The following TPO variants were observed in gnomAD, a reference collection of about 807,000 sequenced individuals.
The protein encoded by TPO is thyroid microsomal antigen.
Under a neutral mutation model 96.9 loss-of-function variants are expected in TPO, and 78 were observed. The ratio of observed to expected loss-of-function variants is 0.81; its 90% CI spans 0.67 to 0.97. The LOEUF is 0.97. Among genes scored for constraint, TPO ranks in the 50% least tolerant of loss-of-function variants. TPO has a pLI of 0.00. For missense variants in TPO, 1,252 were observed against 1,274.8 expected (o/e 0.98, Z 0.27); for synonymous variants, 547 against 538.0 (o/e 1.02, Z -0.23).
intron 5 of TPO, among the ~76,000 whole-genome samples, chr2:1,453,458 G>A (rs1444270233): frequency 6.6e-6 from 1 of 152,110 alleles, no homozygotes; most frequent in Non-Finnish European, 1.5e-5. Context: ...CAGACAGCAT[G>A]TGCTGAGCTC....
At chr2:1,529,657 T>TCGC (rs1677557118) in intron 15 of TPO, among the ~76,000 whole-genome samples, 1 of 19,700 alleles carries the variant, frequency 5.1e-5, no homozygotes, top group Non-Finnish European at 9.7e-5. Flanking sequence ...GTGTGCAACC[T>TCGC]CCTATCACCC....
At chr2:1,515,771 G>C (rs1195379009) in intron 14 of TPO, among the ~76,000 whole-genome samples, 1 of 152,036 alleles carries the variant, frequency 6.6e-6, no homozygotes, top group African/African-American at 2.4e-5. Context: ...GTGAGAAATA[G>C]AACCAAACCA....
At chr2:1,377,277 A>C (rs1415942624) in intron 1 of TPO, among the ~76,000 whole-genome samples, 1 of 152,208 alleles carries the variant, frequency 6.6e-6, no homozygotes, top group South Asian at 2.1e-4. Context: ...AGTCGTATGC[A>C]TTGGAATACG....
intron 5 of TPO, among the ~76,000 whole-genome samples, chr2:1,446,540 C>T (rs1666843811): frequency 6.6e-6 from 1 of 152,018 alleles, no homozygotes; most frequent in Non-Finnish European, 1.5e-5. Flanking sequence ...TCACATTTTC[C>T]TGGTGACTAA....
In TPO at chr2:1,542,672, A is replaced by ACATTGCCTGATTTGTT. The variant is rs1212794941; in HGVS notation, c.*200_*215dup. The stretch of plus-strand genomic sequence containing the variant: ...GCATTTGTCTGGCCTTTTCTTGTAA[A>ACATTGCCTGATTTGTT]CATTGCCTGATTTGTTCCTTCTGGG... On this transcript the variant is annotated 3_prime_UTR_variant, in exon 17 of 17. Coordinates refer to ENST00000329066, the MANE Select transcript of TPO (RefSeq NM_001206744.2). 1 of 1,487,808 alleles carries ACATTGCCTGATTTGTT rather than the reference A, an allele frequency of 6.7e-7. No individual in the cohort carries two copies. The highest frequency in any genetic ancestry group is 1.4e-5 in the African/African-American group (1 of 71,978). 92.2% of individuals were successfully genotyped at this position (1,487,808 alleles called of 1,614,324 possible).
intron 7 of TPO, among the ~76,000 whole-genome samples, chr2:1,461,894 G>A (rs192206268): frequency 1.1e-4 from 17 of 152,296 alleles, no homozygotes; most frequent in South Asian, 8.3e-4. Context: ...ATACTGTGAT[G>A]CCCGTGGAGA....
chr2:1,487,598 A>G (rs28911482), intron 9 of TPO, among the ~76,000 whole-genome samples: 5 of 152,112 alleles, frequency 3.3e-5, no homozygotes, highest in Non-Finnish European at 7.4e-5. Flanking sequence ...TTAGCCAAGC[A>G]TGGTAGCGGG....
At chr2:1,441,594 C>A (rs560773619) in intron 5 of TPO, among the ~76,000 whole-genome samples, 1 of 152,292 alleles carries the variant, frequency 6.6e-6, no homozygotes, top group Non-Finnish European at 1.5e-5. Context: ...TCATCCTGGA[C>A]TCAGATCAGG....
intron 2 of TPO, among the ~76,000 whole-genome samples, chr2:1,422,696 C>A (rs189849382): frequency 6.5e-4 from 99 of 152,298 alleles, no homozygotes; most frequent in African/African-American, 2.1e-3. Context: ...ATTAAATACA[C>A]AAGATAGGCA....
intron 8 of TPO, among the ~76,000 whole-genome samples, chr2:1,483,535 C>T (rs1487198795): frequency 6.6e-6 from 1 of 152,230 alleles, no homozygotes; most frequent in East Asian, 1.9e-4. Flanking sequence ...CCCTTGGACA[C>T]CTGTGTGGTT....
At chr2:1,443,371 G>A (rs1457639502) in intron 5 of TPO, among the ~76,000 whole-genome samples, 2 of 150,552 alleles carry the variant, frequency 1.3e-5, no homozygotes, top group African/African-American at 2.5e-5. Context: ...GAATGGGGCA[G>A]GCTCCTTCTT....
chr2:1,503,033 G>A (rs574065142), intron 13 of TPO, among the ~76,000 whole-genome samples: 3 of 152,284 alleles, frequency 2.0e-5, no homozygotes, highest in Admixed American at 6.5e-5. Flanking sequence ...CATTCTCATC[G>A]TCCTGGGGTG....
chr2:1,506,966 A>G (rs967274289), intron 14 of TPO, among the ~76,000 whole-genome samples: 2 of 151,968 alleles, frequency 1.3e-5, no homozygotes, highest in African/African-American at 4.8e-5. Context: ...GCCCATGCCT[A>G]TGTCCTGAAT....
chr2:1,442,571 T>TA (rs1666303525), intron 5 of TPO, among the ~76,000 whole-genome samples: 1 of 152,242 alleles, frequency 6.6e-6, no homozygotes, highest in Non-Finnish European at 1.5e-5. Context: ...TTTAGATTGA[T>TA]ACATGTGATA....
chr2:1,432,636 G>T (rs1329503413), intron 3 of TPO, among the ~76,000 whole-genome samples: 2 of 129,104 alleles, frequency 1.5e-5, no homozygotes, highest in East Asian at 2.5e-4. Flanking sequence ...CAGGTGAGGG[G>T]AGGCCTGCAG....
In TPO at chr2:1,507,607, G is replaced by C. The variant is rs528537350; in HGVS notation, c.2518+3528G>C. Among the ~76,000 whole-genome samples the C allele has an allele frequency of 3.5e-3, 528 of 152,182 alleles. 14 individuals carry two copies. In the East Asian group the frequency reaches 0.052, roughly 15 times the overall value. On this transcript the variant is annotated intron_variant, in intron 14 of 16. Coordinates refer to ENST00000329066, the MANE Select transcript of TPO (RefSeq NM_001206744.2). ...CTTCAAGAGGTCCTTCACATCCCTT[G>C]TAAGTTGGATTCCTAGGTATTTTAT...
At chr2:1,503,143 G>A (rs1372050457) in intron 13 of TPO, among the ~76,000 whole-genome samples, 4 of 152,178 alleles carry the variant, frequency 2.6e-5, no homozygotes, top group South Asian at 2.1e-4. Context: ...CAGTGCTTTT[G>A]CTCTGTCTAG....
At chr2:1,511,990 G>GT (rs986766576) in intron 14 of TPO, among the ~76,000 whole-genome samples, 4 of 152,088 alleles carry the variant, frequency 2.6e-5, no homozygotes, top group African/African-American at 9.7e-5. Context: ...TCTTGTTTTA[G>GT]TTTTTGTCCT....
intron 3 of TPO, among the ~76,000 whole-genome samples, chr2:1,429,454 G>A (rs1211841683): frequency 6.6e-6 from 1 of 152,206 alleles, no homozygotes; most frequent in African/African-American, 2.4e-5. Flanking sequence ...GGAGTAGGGT[G>A]TTTCTATAAA....
Sources: gnomAD v4.1 joint callset for allele counts (sites outside exome capture counted in the v4.1 genomes callset) on GRCh38, gnomAD v4.1.1 for gene constraint, MANE v1.5 for transcripts, NCBI Gene and HGNC (gene_info 2026-07-23, HGNC 2026-07-21) for gene names.